DNAH11: variants seen among roughly 807,000 people sequenced by gnomAD.
DNAH11 encodes axonemal beta dynein heavy chain 11.
Under a neutral mutation model 526.0 loss-of-function variants are expected in DNAH11, and 442 were observed. The observed-to-expected ratio is 0.84, with a 90% CI of 0.78 to 0.91. The LOEUF (loss-of-function observed/expected upper bound fraction) is 0.91. Ranked by LOEUF, DNAH11 falls within the 40% of genes least tolerant of loss-of-function variation. DNAH11 has a pLI of 0.00. For missense variants in DNAH11, 6,989 were observed against 5,448.7 expected (o/e 1.28, Z -8.90); for synonymous variants, 2,461 against 1,935.9 (o/e 1.27, Z -7.12).
rs146815334 is a variant in DNAH11 at position 21,815,885 on chromosome 7, C to T, written c.10333-582C>T. On this transcript the variant is annotated intron_variant, in intron 63 of 81. Coordinates refer to ENST00000409508, the MANE Select transcript of DNAH11 (RefSeq NM_001277115.2). ...CTCCTCGATTGCCCCTCCCCAACCC[C>T]TTACTTTGCAACGCAATCAAGGCAT... Among the ~76,000 whole-genome samples, 733 of 152,252 alleles carry T rather than the reference C, an allele frequency of 4.8e-3. 10 individuals are homozygous for T. Among genetic ancestry groups the T allele is most frequent in the African/African-American group, 0.016 (653 of 41,556 alleles).
In DNAH11 at chr7:21,816,645, A is replaced by C. The variant is rs768604047; in HGVS notation, c.10511A>C (p.Lys3504Thr). 1.3e-5 allele frequency: 21 copies of C among 1,613,632 alleles called. No individual in the cohort carries two copies. The highest frequency in any genetic ancestry group is 1.8e-5 in the Non-Finnish European group (21 of 1,179,782). The change falls in exon 64 of 82, where the codon AAG (lysine) becomes ACG (threonine). Residue 3504 changes from lysine (K) to threonine (T), a missense_variant. Transcript: ENST00000409508. ...LVIDPQQQGI[K>T]WIKNKYGMDL... ...ATAGATCCCCAGCAACAGGGAATTA[A>C]GTGGATCAAGAATAAGTATGGAATG... is the stretch of plus-strand genomic sequence containing the variant.
chr7:21,556,366 A>C (rs1783217996), intron 2 of DNAH11, among the ~76,000 whole-genome samples: 1 of 152,232 alleles, frequency 6.6e-6, no homozygotes, highest in Non-Finnish European at 1.5e-5. Flanking sequence ...AATAGAGTGA[A>C]GTCTGAAACA....
intron 66 of DNAH11, among the ~76,000 whole-genome samples, chr7:21,849,626 A>G (rs1464792473): frequency 3.3e-5 from 5 of 152,270 alleles, no homozygotes; most frequent in South Asian, 4.1e-4. Flanking sequence ...AAACATTTTA[A>G]ATATTTTACT....
chr7:21,822,172 A>T (rs1345580266), intron 65 of DNAH11, among the ~76,000 whole-genome samples: 1 of 151,990 alleles, frequency 6.6e-6, no homozygotes, highest in Non-Finnish European at 1.5e-5. Flanking sequence ...TATTTTTTTT[A>T]AAAAGAGTTT....
At chr7:21,777,893 C>T (rs982492557) in intron 56 of DNAH11, among the ~76,000 whole-genome samples, 5 of 152,048 alleles carry the variant, frequency 3.3e-5, no homozygotes, top group Non-Finnish European at 5.9e-5. Context: ...AGTAATGGGG[C>T]GTCGTTCCAC....
chr7:21,835,611 C>A (rs1781963438), intron 65 of DNAH11, among the ~76,000 whole-genome samples: 1 of 151,970 alleles, frequency 6.6e-6, no homozygotes, highest in Non-Finnish European at 1.5e-5. Context: ...AAGGAACATA[C>A]CTCAAAACAA....
intron 28 of DNAH11, among the ~76,000 whole-genome samples, chr7:21,644,870 C>T (rs1282301740): frequency 6.6e-6 from 1 of 152,202 alleles, no homozygotes; most frequent in African/African-American, 2.4e-5. Flanking sequence ...AGAGAATCTA[C>T]TTTCAGAATA....
intron 63 of DNAH11, among the ~76,000 whole-genome samples, chr7:21,816,145 T>C (rs1202257591): frequency 6.6e-6 from 1 of 152,150 alleles, no homozygotes; most frequent in African/African-American, 2.4e-5. Context: ...AATATATTTC[T>C]GGTGTCCTGC....
At chr7:21,659,369 T>A (rs1317386027) in intron 30 of DNAH11, among the ~76,000 whole-genome samples, 2 of 151,472 alleles carry the variant, frequency 1.3e-5, no homozygotes, top group Non-Finnish European at 2.9e-5. Context: ...TTTGCATTAT[T>A]CAAAATGGTG....
chr7:21,544,340 G>A (rs924517921), intron 1 of DNAH11, among the ~76,000 whole-genome samples: 1 of 152,130 alleles, frequency 6.6e-6, no homozygotes, highest in African/African-American at 2.4e-5. Flanking sequence ...GTAATAGTTG[G>A]GAAATAGGAT....
chr7:21,600,136 T>C lies in DNAH11; in HGVS notation c.3000+17T>C, dbSNP rs1583516444. ...AATTATCAGGTATTTTCTTAGTAAA[T>C]GGGTATTTAGCTTTTATATTAATGA... On this transcript the variant is annotated intron_variant, in intron 15 of 81. Coordinates refer to ENST00000409508, the MANE Select transcript of DNAH11 (RefSeq NM_001277115.2). 2 of 1,529,762 alleles carry C rather than the reference T, an allele frequency of 1.3e-6. No individual in the cohort carries two copies. The highest frequency in any genetic ancestry group is 4.5e-5 in the East Asian group (2 of 44,048). 94.8% of individuals were successfully genotyped at this position (1,529,762 alleles called of 1,614,324 possible). A position where few individuals can be genotyped will look rare whatever the true frequency, so the allele number is the denominator to read the frequency against.
At chr7:21,621,241 C>T (rs950889060) in intron 25 of DNAH11, among the ~76,000 whole-genome samples, 12 of 152,004 alleles carry the variant, frequency 7.9e-5, no homozygotes, top group East Asian at 1.9e-4. Context: ...ATAAATTCCT[C>T]GACACATACA....
In DNAH11 at chr7:21,637,596, T is replaced by C. The variant is rs17144822; in HGVS notation, c.4726-15T>C. ...TGTTCTAATATCCACGGCCCCGTAT[T>C]GTACTTTCATGCAGGAGTTAATGTT... is the stretch of plus-strand genomic sequence containing the variant. On this transcript the variant is annotated splice_polypyrimidine_tract_variant and intron_variant, in intron 26 of 81. Transcript: ENST00000409508. 12,262 of 1,519,198 alleles carry C rather than the reference T, an allele frequency of 8.1e-3. 459 individuals carry two copies. Among genetic ancestry groups the C allele is most frequent in the South Asian group, 0.073 (6,146 of 84,154 alleles). 94.1% of individuals were successfully genotyped at this position (1,519,198 alleles called of 1,614,324 possible).
rs1450623027 is a variant in DNAH11 at position 21,901,152 on chromosome 7, C to CAA, written c.13451_13452dup (p.Leu4485AsnfsTer2). 1.2e-6 allele frequency: 2 copies of CAA among 1,612,806 alleles called. No homozygotes were observed. Among genetic ancestry groups the CAA allele is most frequent in the Non-Finnish European group, 1.7e-6 (2 of 1,179,102 alleles). On this transcript the variant is annotated frameshift_variant, in exon 82 of 82. Transcript: ENST00000409508. LOFTEE classifies it high-confidence loss of function. ...CCTACGAGTGCCCTGTGTATAGAACCAAACTGAGAGGCCCCAGCTACATCT... is the reference window on the plus strand; with the variant it reads ...CCTACGAGTGCCCTGTGTATAGAACCAAAAACTGAGAGGCCCCAGCTACATCT...
chr7:21,773,381 C>T (rs1787522128), intron 55 of DNAH11, among the ~76,000 whole-genome samples: 1 of 143,838 alleles, frequency 7.0e-6, no homozygotes, highest in African/African-American at 2.6e-5. Flanking sequence ...GTTATTGCTT[C>T]TCTTTGTCTA....
Position 21,617,649 on chromosome 7 carries a change from G to A in DNAH11, c.4126G>A (p.Val1376Ile), listed in dbSNP as rs531283952. The A allele has an allele frequency of 2.2e-5, 36 of 1,613,798 alleles. No individual in the cohort carries two copies. The highest frequency in any genetic ancestry group is 9.9e-5 in the South Asian group (9 of 91,074). ...EIWSLNKEVR[V>I]WDAYTGLEGT... is the part of the protein sequence containing the mutation. The stretch of plus-strand genomic sequence containing the variant: ...TTGGTCACTCAACAAGGAAGTCCGC[G>A]TCTGGGATGCTTACACGGGCCTGGA... The change falls in exon 23 of 82, where the codon GTC (valine) becomes ATC (isoleucine). Residue 1376 changes from valine (V) to isoleucine (I), a missense_variant. By Grantham distance (29) the Val-to-Ile change is conservative. Transcript: ENST00000409508.
intron 8 of DNAH11, among the ~76,000 whole-genome samples, chr7:21,580,891 G>C (rs995512009): frequency 1.8e-4 from 27 of 152,196 alleles, no homozygotes; most frequent in Admixed American, 1.8e-3. Flanking sequence ...GAGCCAGGTT[G>C]CCTGGCTTTA....
chr7:21,551,461 C>T (rs1196914788), intron 2 of DNAH11, among the ~76,000 whole-genome samples: 1 of 152,194 alleles, frequency 6.6e-6, no homozygotes, highest in African/African-American at 2.4e-5. Context: ...AGGCCCCACT[C>T]TGTCCAGATT....
chr7:21,637,513 T>C (rs1786923238), intron 26 of DNAH11, 98 bp from the exon 27 acceptor site: 4 of 876,588 alleles, frequency 4.6e-6, no homozygotes, highest in Non-Finnish European at 5.6e-6. Flanking sequence ...ACCTTGCCTC[T>C]TCATTCTTTG....
Sources: gnomAD v4.1 joint callset for allele counts (sites outside exome capture counted in the v4.1 genomes callset) on GRCh38, gnomAD v4.1.1 for gene constraint, MANE v1.5 for transcripts, NCBI Gene and HGNC (gene_info 2026-07-23, HGNC 2026-07-21) for gene names.